BANK1: variants seen among roughly 807,000 people sequenced by gnomAD.
The protein encoded by BANK1 is B-cell scaffold protein with ankyrin repeats.
BANK1 carries 95 observed loss-of-function variants against 94.5 expected under a neutral mutation model. That is an observed-to-expected ratio of 1.00 (90% CI 0.85 to 1.19). The LOEUF is 1.19. Among genes scored for constraint, BANK1 ranks in the 50% most tolerant of loss-of-function variants. The probability of loss-of-function intolerance (pLI) is 0.00; values close to 1 mark genes in which losing one functional copy is unlikely to be tolerated. For missense variants in BANK1, 987 were observed against 932.2 expected (o/e 1.06, Z -0.77); for synonymous variants, 334 against 308.4 (o/e 1.08, Z -0.87).
rs115626327 is a variant in BANK1 at position 101,936,374 on chromosome 4, T to C, written c.1206+18185T>C. 5.5e-3 allele frequency among the ~76,000 whole-genome samples: 832 copies of C among 150,124 alleles called. 14 individuals are homozygous for C. The East Asian group carries it at 0.056, about 10-fold the overall frequency. ...ATGTATACATACATGCATATATGTG[T>C]GCATACATGCATACATGCATGTATA... On this transcript the variant is annotated intron_variant, in intron 7 of 16. Coordinates refer to ENST00000322953, the MANE Select transcript of BANK1 (RefSeq NM_017935.5).
chr4:101,823,438 C>T (rs1281924876), intron 1 of BANK1, among the ~76,000 whole-genome samples: 1 of 152,116 alleles, frequency 6.6e-6, no homozygotes, highest in African/African-American at 2.4e-5. Context: ...CAGATGTAGA[C>T]AGTCTTACTG....
rs550977604 is a variant in BANK1 at position 101,813,186 on chromosome 4, T to C, written c.71-16622T>C. 1.2e-4 allele frequency among the ~76,000 whole-genome samples: 18 copies of C among 152,276 alleles called. 1 individual carries two copies. Among genetic ancestry groups the C allele is most frequent in the African/African-American group, 3.6e-4 (15 of 41,570 alleles). ...ATAATGTTAAATATTGTGTTCTTTG[T>C]CCGTAAATAGATGATTTGGCCCTCA... On this transcript the variant is annotated intron_variant, in intron 1 of 16. Coordinates refer to ENST00000322953, the MANE Select transcript of BANK1 (RefSeq NM_017935.5).
intron 7 of BANK1, among the ~76,000 whole-genome samples, chr4:102,015,038 C>G (rs1387007305): frequency 6.6e-6 from 1 of 152,002 alleles, no homozygotes; most frequent in Non-Finnish European, 1.5e-5. Flanking sequence ...TGCTAAACCC[C>G]TTCTTTTTCC....
chr4:101,873,476 T>G (rs1728373040), intron 5 of BANK1, among the ~76,000 whole-genome samples: 1 of 152,128 alleles, frequency 6.6e-6, no homozygotes, highest in African/African-American at 2.4e-5. Context: ...TTTCAGCAAT[T>G]GTTGAGTTTG....
intron 7 of BANK1, among the ~76,000 whole-genome samples, chr4:102,018,822 T>TC (rs1247071948): frequency 1.8e-4 from 26 of 146,666 alleles, no homozygotes; most frequent in African/African-American, 6.2e-4. Context: ...TTTCTTTCCT[T>TC]TTTTTTTTTT....
intron 12 of BANK1, chr4:102,061,566 C>G (rs917736111): frequency 6.6e-6 from 1 of 152,194 alleles, no homozygotes; most frequent in Non-Finnish European, 1.5e-5. Context: ...AAATCACTTT[C>G]CTAGCAATGT....
intron 7 of BANK1, among the ~76,000 whole-genome samples, chr4:101,958,758 A>G (rs898495345): frequency 2.6e-5 from 4 of 152,124 alleles, no homozygotes; most frequent in African/African-American, 9.7e-5. Flanking sequence ...CTCTCTACAC[A>G]TGCTCTTCTC....
At chr4:101,883,582 T>C (rs12647741) in intron 5 of BANK1, among the ~76,000 whole-genome samples, 17,149 of 152,202 alleles carry the variant, frequency 0.11, 1,715 homozygotes, top group African/African-American at 0.27. Context: ...TTCATGCTTC[T>C]TATGTGGCCC....
chr4:101,803,985 G>A (rs1229914473), intron 1 of BANK1, among the ~76,000 whole-genome samples: 110 of 100,086 alleles, frequency 1.1e-3, no homozygotes, highest in African/African-American at 4.1e-3. Context: ...GCGACAGAGC[G>A]AGACTCCGTC....
At chr4:101,959,614 C>G (rs1724496423) in intron 7 of BANK1, among the ~76,000 whole-genome samples, 1 of 152,176 alleles carries the variant, frequency 6.6e-6, no homozygotes, top group Admixed American at 6.5e-5. Context: ...AGTAATTTCT[C>G]TAATATATTC....
rs1161685898 is a variant in BANK1, at chr4:101,830,145, G to C, written c.408G>C (p.Glu136Asp). The change falls in exon 2 of 17, where the codon GAG (glutamate) becomes GAC (aspartate). Residue 136 changes from glutamate to aspartate, a missense_variant. Transcript: ENST00000322953. ...TAAATATCTCTCAAAGCAGATGGGAGATCTCAACTGAACAGGAACCTGAAG... is the reference window on the plus strand; with the variant it reads ...TAAATATCTCTCAAAGCAGATGGGACATCTCAACTGAACAGGAACCTGAAG... ...ELLNISQSRW[E>D]ISTEQEPEDY... 6.2e-7 allele frequency: 1 copy of C among 1,606,818 alleles called. No individual in the cohort carries two copies. Among genetic ancestry groups the C allele is most frequent in the Non-Finnish European group, 8.5e-7 (1 of 1,177,742 alleles).
chr4:101,839,880 A>AATTGCT (rs1170478533), intron 2 of BANK1, among the ~76,000 whole-genome samples: 6 of 148,688 alleles, frequency 4.0e-5, no homozygotes, highest in Admixed American at 4.0e-4. Flanking sequence ...GGAGATATAC[A>AATTGCT]ATTGCTTTTT....
intron 7 of BANK1, among the ~76,000 whole-genome samples, chr4:101,942,363 G>T (rs1412308661): frequency 5.9e-5 from 9 of 151,876 alleles, no homozygotes; most frequent in Non-Finnish European, 1.2e-4. Context: ...AGAGCACAGA[G>T]CCTGTAGTGG....
At chr4:101,803,910 A>G (rs946970020) in intron 1 of BANK1, among the ~76,000 whole-genome samples, 24 of 141,466 alleles carry the variant, frequency 1.7e-4, no homozygotes, top group Non-Finnish European at 7.7e-5. Flanking sequence ...AGGCAGGAGA[A>G]TGGCGTGAAC....
At chr4:101,993,467 A>G (rs760810601) in intron 7 of BANK1, among the ~76,000 whole-genome samples, 15 of 152,282 alleles carry the variant, frequency 9.9e-5, no homozygotes, top group African/African-American at 1.7e-4. Flanking sequence ...TAGGGAGTAA[A>G]TGTGGTAAAC....
At chr4:102,052,317 C>T (rs1433487025) in intron 11 of BANK1, among the ~76,000 whole-genome samples, 2 of 151,858 alleles carry the variant, frequency 1.3e-5, no homozygotes, top group Non-Finnish European at 2.9e-5. Flanking sequence ...AGGGTTTCAC[C>T]ATGTTGGCCA....
At chr4:101,836,410 G>T (rs904671497) in intron 2 of BANK1, among the ~76,000 whole-genome samples, 24 of 152,152 alleles carry the variant, frequency 1.6e-4, no homozygotes, top group African/African-American at 5.8e-4. Flanking sequence ...AACCTGGGAG[G>T]CAGAGGCTGC....
chr4:101,839,988 A>G lies in BANK1; in HGVS notation c.469+9782A>G, dbSNP rs551128819. ...TTTTTTTTTTTTTTTTTTTTTTTTG[A>G]GACAGAGTCTCGCTCTGTCGCCCAG... On this transcript the variant is annotated intron_variant, in intron 2 of 16. Transcript: ENST00000322953. Among the ~76,000 whole-genome samples, 48 of 39,678 alleles carry G rather than the reference A, an allele frequency of 1.2e-3. 2 individuals are homozygous for G. Among genetic ancestry groups the G allele is most frequent in the South Asian group, 0.011 (13 of 1,200 alleles). 26.0% of individuals were successfully genotyped at this position (39,678 alleles called of 152,430 possible).
chr4:102,062,503 T>C (rs1728450707), intron 12 of BANK1: 1 of 152,260 alleles, frequency 6.6e-6, no homozygotes, highest in South Asian at 2.1e-4. Context: ...TTAGCTTGTT[T>C]TACATTTTGC....
Sources: gnomAD v4.1 joint callset for allele counts (sites outside exome capture counted in the v4.1 genomes callset) on GRCh38, gnomAD v4.1.1 for gene constraint, MANE v1.5 for transcripts, NCBI Gene and HGNC (gene_info 2026-07-23, HGNC 2026-07-21) for gene names.